LRP1B: variants seen among roughly 807,000 people sequenced by gnomAD.
The protein encoded by LRP1B is LDL receptor related protein 1B.
Under a neutral mutation model 556.6 loss-of-function variants are expected in LRP1B, and 217 were observed. The ratio of observed to expected loss-of-function variants is 0.39; its 90% CI spans 0.35 to 0.44. LRP1B has a LOEUF of 0.44. LRP1B is among the 20% of genes least tolerant of loss of function. The probability of loss-of-function intolerance (pLI) is 1.00; values close to 1 mark genes in which losing one functional copy is unlikely to be tolerated. For synonymous variants in LRP1B, 2,047 were observed against 1,865.8 expected (o/e 1.10, Z -2.50); for missense variants, 5,053 against 5,620.8 (o/e 0.90, Z 3.23).
chr2:140,673,939 T>A (rs894643795), intron 41 of LRP1B, among the ~76,000 whole-genome samples: 2 of 144,994 alleles, frequency 1.4e-5, no homozygotes, highest in Non-Finnish European at 3.0e-5. Flanking sequence ...TCTCTTTTCT[T>A]TTTTCTTTTT....
intron 2 of LRP1B, among the ~76,000 whole-genome samples, chr2:141,482,733 T>C (rs1042670968): frequency 6.6e-6 from 1 of 152,064 alleles, no homozygotes; most frequent in Non-Finnish European, 1.5e-5. Flanking sequence ...CTTTTTAAAA[T>C]TACTTGGCTG....
At chr2:141,080,821 A>G (rs1025686319) in intron 7 of LRP1B, among the ~76,000 whole-genome samples, 2 of 152,196 alleles carry the variant, frequency 1.3e-5, no homozygotes, top group Middle Eastern at 3.2e-3. Context: ...AATTATAGAA[A>G]TAAACTTCAT....
intron 1 of LRP1B, among the ~76,000 whole-genome samples, chr2:141,943,763 G>C (rs1700882023): frequency 6.6e-6 from 1 of 152,020 alleles, no homozygotes; most frequent in Non-Finnish European, 1.5e-5. Context: ...GAATAGAAGA[G>C]TCCTTGGTAG....
At chr2:140,838,980 T>A (rs1692011148) in intron 31 of LRP1B, among the ~76,000 whole-genome samples, 1 of 152,136 alleles carries the variant, frequency 6.6e-6, no homozygotes. Flanking sequence ...GTCAGTGCCA[T>A]CACGTTATAG....
intron 18 of LRP1B, among the ~76,000 whole-genome samples, chr2:140,976,336 T>C (rs957607081): frequency 2.6e-5 from 4 of 151,936 alleles, no homozygotes; most frequent in African/African-American, 4.8e-5. Flanking sequence ...TTTTGTAAGA[T>C]AACAAGATTA....
At chr2:141,734,955 G>C (rs1189477085) in intron 2 of LRP1B, among the ~76,000 whole-genome samples, 2 of 152,044 alleles carry the variant, frequency 1.3e-5, no homozygotes, top group African/African-American at 4.8e-5. Flanking sequence ...TTGTAAAATT[G>C]AATTAATTTA....
At chr2:140,865,059 C>T (rs952501593) in intron 27 of LRP1B, among the ~76,000 whole-genome samples, 1 of 151,974 alleles carries the variant, frequency 6.6e-6, no homozygotes, top group Non-Finnish European at 1.5e-5. Context: ...TTAAAATACC[C>T]ACTACTGCTC....
rs1683054800 is a variant in LRP1B, at chr2:140,284,650, CTTCT to C, written c.12968-10056_12968-10053del. ...ATATCCTTCCATCCTTATTTTCTTC[CTTCT>C]TTCAAGCTACCCACTTCAAATCTAT... On this transcript the variant is annotated intron_variant, in intron 84 of 90. Transcript: ENST00000389484. 2.0e-5 allele frequency among the ~76,000 whole-genome samples: 3 copies of C among 151,194 alleles called. No homozygotes were observed. The South Asian group carries it at 6.2e-4, about 31-fold the overall frequency.
chr2:140,858,069 C>G (rs1692671692), intron 27 of LRP1B, among the ~76,000 whole-genome samples: 1 of 152,152 alleles, frequency 6.6e-6, no homozygotes, highest in Admixed American at 6.6e-5. Flanking sequence ...TCCCAAGAAA[C>G]ATTTGGGAAT....
intron 3 of LRP1B, among the ~76,000 whole-genome samples, chr2:141,468,150 T>C (rs184127226): frequency 2.6e-5 from 4 of 152,302 alleles, no homozygotes; most frequent in African/African-American, 9.6e-5. Flanking sequence ...AACATTAGAA[T>C]TTTATCCCAA....
intron 84 of LRP1B, 147 bp downstream of exon 84, chr2:140,297,661 G>A (rs1382481761): frequency 2.4e-6 from 2 of 840,550 alleles, no homozygotes; most frequent in African/African-American, 3.4e-5. Context: ...GAAAGGTGAA[G>A]AATGGGTAAA....
chr2:141,010,434 C>CCT (rs1253837177), intron 14 of LRP1B, among the ~76,000 whole-genome samples: 1 of 152,000 alleles, frequency 6.6e-6, no homozygotes, highest in East Asian at 1.9e-4. Flanking sequence ...AGAATTCTTT[C>CCT]CTAGAGGTAG....
intron 79 of LRP1B, among the ~76,000 whole-genome samples, chr2:140,330,367 G>T (rs920619576): frequency 6.6e-6 from 1 of 151,446 alleles, no homozygotes; most frequent in Non-Finnish European, 1.5e-5. Flanking sequence ...TATGGTACTG[G>T]TACAGACACA....
At chr2:141,834,823 A>G (rs912093520) in intron 1 of LRP1B, among the ~76,000 whole-genome samples, 1 of 151,946 alleles carries the variant, frequency 6.6e-6, no homozygotes, top group African/African-American at 2.4e-5. Context: ...GAGAAAGTGA[A>G]CTCAAGAAGC....
intron 27 of LRP1B, among the ~76,000 whole-genome samples, chr2:140,858,973 C>G (rs1192541164): frequency 3.3e-5 from 5 of 152,098 alleles, no homozygotes; most frequent in African/African-American, 1.2e-4. Flanking sequence ...TTATCTTTAT[C>G]CAGCCTAGTT....
At chr2:140,483,851 G>A (rs554866658) in intron 59 of LRP1B, among the ~76,000 whole-genome samples, 105 of 151,808 alleles carry the variant, frequency 6.9e-4, no homozygotes, top group African/African-American at 2.4e-3. Context: ...ATGGTGGCCA[G>A]GCTGGTCTCG....
At position 140,233,340 on chromosome 2, in the gene LRP1B, A is replaced by T. The variant is rs747493458; in HGVS notation, c.13660-14T>A. On this transcript the variant is annotated splice_polypyrimidine_tract_variant and intron_variant, in intron 90 of 90. Coordinates refer to ENST00000389484, the MANE Select transcript of LRP1B (RefSeq NM_018557.3). Reference sequence around the variant, plus strand: ...GTAATTTGTTGGCTGAAGGAGAAAAAAAATAAATATAATTTTATTACTGGT... The same window carrying T: ...GTAATTTGTTGGCTGAAGGAGAAAATAAATAAATATAATTTTATTACTGGT... 1.3e-6 allele frequency: 2 copies of T among 1,554,602 alleles called. No individual in the cohort carries two copies. The highest frequency in any genetic ancestry group is 8.7e-7 in the Non-Finnish European group (1 of 1,148,626).
At chr2:141,826,344 C>A (rs543207828) in intron 1 of LRP1B, among the ~76,000 whole-genome samples, 10 of 143,414 alleles carry the variant, frequency 7.0e-5, no homozygotes, top group Non-Finnish European at 1.1e-4. Flanking sequence ...CTTTTCCATA[C>A]TTTTCAGAAG....
chr2:141,269,719 CT>C (rs1160349890), intron 3 of LRP1B, among the ~76,000 whole-genome samples: 7 of 152,084 alleles, frequency 4.6e-5, no homozygotes, highest in Non-Finnish European at 8.8e-5. Flanking sequence ...ACATAAAATT[CT>C]TTTTTCAACT....
Sources: allele counts gnomAD v4.1 joint callset (sites outside exome capture counted in the v4.1 genomes callset), GRCh38; gene constraint gnomAD v4.1.1; transcripts MANE v1.5; gene names NCBI Gene and HGNC (gene_info 2026-07-23, HGNC 2026-07-21).